THUMPD2: variants seen among roughly 807,000 people sequenced by gnomAD.
THUMPD2 encodes THUMP domain 2 tRNA and snRNA guanosine methyltransferase, also known as U6 snRNA (guanine-N(2))-methyltransferase THUMPD2.
In THUMPD2, 56 loss-of-function variants were observed where a neutral mutation model predicts 49.4. That is an observed-to-expected ratio of 1.13 (90% CI 0.91 to 1.41). THUMPD2 has a LOEUF of 1.41. THUMPD2 is among the 40% of genes most tolerant of loss of function. The pLI, the probability that THUMPD2 is intolerant of heterozygous loss-of-function variation, is 0.00. For missense variants in THUMPD2, 709 were observed against 594.5 expected, an observed-to-expected ratio of 1.19 and a Z score of -2.00; for synonymous variants, 237 against 205.2, an observed-to-expected ratio of 1.15 and a Z score of -1.32.
intron 8 of THUMPD2, among the ~76,000 whole-genome samples, chr2:39,754,919 A>G (rs1675895215): frequency 6.6e-6 from 1 of 152,234 alleles, no homozygotes; most frequent in African/African-American, 2.4e-5. Flanking sequence ...GATAATTCAG[A>G]ACATTTCATA....
intron 6 of THUMPD2, among the ~76,000 whole-genome samples, chr2:39,757,583 G>T (rs1340728342): frequency 6.6e-6 from 1 of 152,118 alleles, no homozygotes; most frequent in Non-Finnish European, 1.5e-5. Flanking sequence ...CTCTCCCATG[G>T]TCTGTGTTCA....
In THUMPD2 at chr2:39,769,137, AG is replaced by A. The variant is rs772692190; in HGVS notation, c.672+572del. On this transcript the variant is annotated intron_variant, in intron 3 of 9. Coordinates refer to ENST00000505747, the MANE Select transcript of THUMPD2 (RefSeq NM_025264.5). ...GAATAAGCACAAAGCTGAACTGAAG[AG>A]AAACCCCAAAAGCTGAGGACTATGG... The A allele has an allele frequency of 1.3e-4, 171 of 1,273,174 alleles. No individual in the cohort carries two copies. In the African/African-American group the frequency reaches 2.3e-3, roughly 17 times the overall value. 78.9% of individuals were successfully genotyped at this position (1,273,174 alleles called of 1,614,324 possible).
chr2:39,745,304 A>G lies in THUMPD2; in HGVS notation c.1079-826T>C, dbSNP rs181014300. Among the ~76,000 whole-genome samples the G allele has an allele frequency of 7.5e-4, 114 of 152,298 alleles. 1 individual carries two copies. Among genetic ancestry groups the G allele is most frequent in the Non-Finnish European group, 1.5e-3 (102 of 67,996 alleles). ...CTGTTGGTAGGAAATTTAGCAACAA[A>G]AAGTGCTTTGTAATCTCGGAAAGTC... On this transcript the variant is annotated intron_variant, in intron 8 of 9. Transcript: ENST00000505747.
At chr2:39,759,199 C>G (rs1294740498) in intron 6 of THUMPD2, among the ~76,000 whole-genome samples, 3 of 151,736 alleles carry the variant, frequency 2.0e-5, no homozygotes, top group Non-Finnish European at 4.4e-5. Flanking sequence ...AAGTTAAATT[C>G]ACTAAATAGT....
At chr2:39,766,589 GTCTT>G (rs1186462216) in intron 4 of THUMPD2, among the ~76,000 whole-genome samples, 12 of 152,204 alleles carry the variant, frequency 7.9e-5, no homozygotes, top group East Asian at 3.9e-4. Context: ...ATAAGTTTCT[GTCTT>G]TCTTTATTTT....
intron 9 of THUMPD2, among the ~76,000 whole-genome samples, chr2:39,737,738 A>C (rs1255026381): frequency 6.6e-6 from 1 of 152,170 alleles, no homozygotes; most frequent in East Asian, 1.9e-4. Context: ...TTCCCAGAGG[A>C]AGATACCTGT....
At chr2:39,744,316 T>C in intron 9 of THUMPD2, 54 bp downstream of exon 9, 3 of 1,060,214 alleles carry the variant, frequency 2.8e-6, no homozygotes, top group Non-Finnish European at 4.1e-6. Context: ...ATGATGTATT[T>C]CGGTTAAATG....
At chr2:39,753,187 A>C (rs527345078) in intron 8 of THUMPD2, among the ~76,000 whole-genome samples, 11 of 152,272 alleles carry the variant, frequency 7.2e-5, no homozygotes, top group Middle Eastern at 3.4e-3. Context: ...CAAACTGCTC[A>C]AGAAAATGCT....
chr2:39,770,387 T>C (rs1299069943), intron 2 of THUMPD2, among the ~76,000 whole-genome samples: 2 of 152,132 alleles, frequency 1.3e-5, no homozygotes, highest in Admixed American at 6.6e-5. Context: ...GAAAGATTAT[T>C]TGTGCTATGG....
intron 1 of THUMPD2, among the ~76,000 whole-genome samples, chr2:39,778,139 T>C (rs975583676): frequency 3.3e-5 from 5 of 152,242 alleles, no homozygotes; most frequent in Non-Finnish European, 5.9e-5. Flanking sequence ...ACACCTACCT[T>C]ATAGGGCTGT....
chr2:39,755,767 A>G, intron 7 of THUMPD2, 122 bp downstream of exon 7: 19 of 782,268 alleles, frequency 2.4e-5, no homozygotes, highest in Middle Eastern at 3.3e-4. Context: ...TGAGTAAATA[A>G]TAACTCATAT....
In THUMPD2 at chr2:39,736,866, T is replaced by C. The variant is rs2148138011; in HGVS notation, c.1381A>G (p.Ser461Gly). The C allele has an allele frequency of 6.2e-7, 1 of 1,614,236 alleles. No individual in the cohort carries two copies. The highest frequency in any genetic ancestry group is 1.7e-5 in the Admixed American group (1 of 60,026). Residue 461 changes from serine (S) to glycine (G), a missense_variant, in exon 10 of 10, where the codon AGT becomes GGT. Physicochemically the swap from Ser to Gly is moderately conservative, Grantham distance 56. Coordinates refer to ENST00000505747, the MANE Select transcript of THUMPD2 (RefSeq NM_025264.5). ...FKTASTSFEA[S>G]NHKFLDRMSP... ...ATTCTGTCTAAGAATTTGTGGTTAC[T>C]GGCTTCGAATGAAGTTGACGCTGTC...
chr2:39,750,431 C>T (rs1302917099), intron 8 of THUMPD2, among the ~76,000 whole-genome samples: 5 of 152,200 alleles, frequency 3.3e-5, no homozygotes, highest in African/African-American at 9.7e-5. Context: ...CTTTTGCTCA[C>T]TTTTTAATGG....
chr2:39,745,426 T>A (rs924939755), intron 8 of THUMPD2, among the ~76,000 whole-genome samples: 1 of 152,222 alleles, frequency 6.6e-6, no homozygotes, highest in African/African-American at 2.4e-5. Flanking sequence ...TAATATTCTT[T>A]TAAGCTGAGA....
At chr2:39,777,201 T>G (rs968582373) in intron 1 of THUMPD2, among the ~76,000 whole-genome samples, 1 of 152,256 alleles carries the variant, frequency 6.6e-6, no homozygotes, top group South Asian at 2.1e-4. Context: ...AGTAATCCTT[T>G]AAAGTAGCTA....
chr2:39,771,433 T>A, intron 2 of THUMPD2, 72 bp downstream of exon 2: 1 of 1,459,702 alleles, frequency 6.9e-7, no homozygotes, highest in Non-Finnish European at 9.2e-7. Flanking sequence ...TGGCTACATA[T>A]TATCAAGCAG....
chr2:39,736,782 C>T lies in THUMPD2; in HGVS notation c.1465G>A (p.Asp489Asn), dbSNP rs760971821. 6.2e-7 allele frequency: 1 copy of T among 1,614,172 alleles called. No homozygotes were observed. Among genetic ancestry groups the T allele is most frequent in the Non-Finnish European group, 8.5e-7 (1 of 1,180,006 alleles). ...TTCTTATATTTACATATGAACGCAT[C>T]TGTCTTTCCAAGGCTAACTTTGTAG... is the stretch of plus-strand genomic sequence containing the variant. ...ECYKVSLGKT[D>N]AFICKYKKSH... The change falls in exon 10 of 10, where the codon GAT (aspartate) becomes AAT (asparagine). Residue 489 changes from aspartate to asparagine, a missense_variant. Asp to Asn is a conservative substitution (Grantham distance 23). Transcript: ENST00000505747.
chr2:39,740,149 T>C (rs1673708382), intron 9 of THUMPD2, among the ~76,000 whole-genome samples: 1 of 152,218 alleles, frequency 6.6e-6, no homozygotes, highest in Non-Finnish European at 1.5e-5. Context: ...GAAACTGTGA[T>C]ACTGTGACTG....
At chr2:39,749,861 G>A (rs142611135) in intron 8 of THUMPD2, among the ~76,000 whole-genome samples, 95 of 151,746 alleles carry the variant, frequency 6.3e-4, no homozygotes, top group African/African-American at 2.2e-3. Context: ...TTGGTTTTCT[G>A]TTCCTGCGTT....
Sources: allele counts gnomAD v4.1 joint callset (sites outside exome capture counted in the v4.1 genomes callset), GRCh38; gene constraint gnomAD v4.1.1; transcripts MANE v1.5; gene names NCBI Gene and HGNC (gene_info 2026-07-23, HGNC 2026-07-21).